The following PKHD1L1 variants were observed in gnomAD, a reference collection of about 807,000 sequenced individuals.
The protein encoded by PKHD1L1 is PKHD1 like 1.
In PKHD1L1, 434 loss-of-function variants were observed where a neutral mutation model predicts 462.9. The observed-to-expected ratio is 0.94, with a 90% CI of 0.87 to 1.02. The LOEUF is 1.02. Ranked by LOEUF, PKHD1L1 falls within the 50% of genes least tolerant of loss-of-function variation. The pLI, the probability that PKHD1L1 is intolerant of heterozygous loss-of-function variation, is 0.00. For synonymous variants in PKHD1L1, 1,781 were observed against 1,750.0 expected, an observed-to-expected ratio of 1.02 and a Z score of -0.44; for missense variants, 5,202 against 5,096.1, an observed-to-expected ratio of 1.02 and a Z score of -0.63.
At chr8:109,406,084 A>G (rs1455730860) in intron 16 of PKHD1L1, among the ~76,000 whole-genome samples, 1 of 152,224 alleles carries the variant, frequency 6.6e-6, no homozygotes, top group Non-Finnish European at 1.5e-5. Flanking sequence ...AAATCCAATG[A>G]TTATTACTGT....
intron 2 of PKHD1L1, among the ~76,000 whole-genome samples, chr8:109,381,008 C>A (rs754858247): frequency 1.7e-4 from 26 of 152,160 alleles, no homozygotes; most frequent in Non-Finnish European, 3.7e-4. Context: ...ATCTAACCAA[C>A]TGCGAATGGG....
intron 58 of PKHD1L1, among the ~76,000 whole-genome samples, 183 bp from the exon 59 acceptor site, chr8:109,486,465 T>C (rs903525892): frequency 2.6e-5 from 4 of 152,072 alleles, no homozygotes; most frequent in Non-Finnish European, 2.9e-5. Flanking sequence ...ATATTTCATT[T>C]TATAAATACG....
intron 40 of PKHD1L1, 141 bp downstream of exon 40, chr8:109,449,628 C>T: frequency 1.6e-6 from 1 of 628,878 alleles, no homozygotes; most frequent in Non-Finnish European, 2.4e-6. Context: ...GCAATTTCTT[C>T]AGGACATTTT....
chr8:109,460,750 T>C (rs963669610), intron 47 of PKHD1L1, among the ~76,000 whole-genome samples: 2 of 152,208 alleles, frequency 1.3e-5, no homozygotes, highest in Admixed American at 1.3e-4. Flanking sequence ...ATTTAAAATA[T>C]AAAAGTCTAT....
At chr8:109,469,782 A>G (rs1019705891) in intron 50 of PKHD1L1, among the ~76,000 whole-genome samples, 7 of 152,196 alleles carry the variant, frequency 4.6e-5, no homozygotes, top group Admixed American at 3.3e-4. Flanking sequence ...AGATGTCCAG[A>G]ATGGAATGAT....
intron 4 of PKHD1L1, 58 bp downstream of exon 4, chr8:109,382,629 G>A: frequency 2.2e-6 from 3 of 1,392,348 alleles, no homozygotes. Flanking sequence ...CTTTCCTGCA[G>A]AACTGAATTT....
intron 50 of PKHD1L1, among the ~76,000 whole-genome samples, chr8:109,474,231 T>C (rs1264780701): frequency 6.6e-6 from 1 of 152,222 alleles, no homozygotes; most frequent in Non-Finnish European, 1.5e-5. Flanking sequence ...ATCTTGCTTC[T>C]AGCTTCTTCC....
At chr8:109,469,219 C>A (rs1586578317) in intron 50 of PKHD1L1, among the ~76,000 whole-genome samples, 2 of 152,230 alleles carry the variant, frequency 1.3e-5, no homozygotes, top group East Asian at 1.9e-4. Flanking sequence ...GCATTTCTGG[C>A]ATTGAGAGAA....
intron 71 of PKHD1L1, among the ~76,000 whole-genome samples, chr8:109,514,242 T>C (rs1820149262): frequency 1.3e-5 from 2 of 152,164 alleles, no homozygotes; most frequent in South Asian, 4.1e-4. Flanking sequence ...ACTTTCTCAA[T>C]AGGCCTCCAA....
At position 109,443,865 on chromosome 8, in the gene PKHD1L1, T is replaced by G. The variant is rs367959816; in HGVS notation, c.4754T>G (p.Ile1585Ser). Residue 1585 changes from isoleucine to serine, a missense_variant, in exon 37 of 78, where the codon ATT becomes AGT. Physicochemically the swap from Ile to Ser is moderately radical, Grantham distance 142 (BLOSUM62 -2). Around this residue, in one of 3 missense-constraint regions of PKHD1L1, gnomAD observed 4,497 missense variants for 4,336.8 expected, o/e 1.04. Transcript: ENST00000378402. The part of the protein sequence containing the change: ...TGTVNELITI[I>S]GHGFSNLPWA... ...ACAGTAAATGAACTAATAACAATTATTGGACATGGCTTTAGTAATCTCCCA... is the reference window on the plus strand; with the variant it reads ...ACAGTAAATGAACTAATAACAATTAGTGGACATGGCTTTAGTAATCTCCCA... 23 of 1,613,782 alleles carry G rather than the reference T, an allele frequency of 1.4e-5. No homozygotes were observed. In the African/African-American group the frequency reaches 3.1e-4, roughly 21 times the overall value.
intron 24 of PKHD1L1, 21 bp downstream of exon 24, chr8:109,425,253 A>G: frequency 6.4e-7 from 1 of 1,551,548 alleles, no homozygotes; most frequent in Non-Finnish European, 8.7e-7. Flanking sequence ...AAAATTTAAA[A>G]TATTGGTGTA....
intron 41 of PKHD1L1, 71 bp downstream of exon 41, chr8:109,451,220 T>C (rs1816477874): frequency 6.9e-7 from 1 of 1,457,764 alleles, no homozygotes; most frequent in African/African-American, 1.4e-5. Flanking sequence ...CTTTCTCCTA[T>C]GCCCGGACAG....
chr8:109,450,976 C>T lies in PKHD1L1; in HGVS notation c.6177C>T (p.Gly2059=). 1 of 1,596,236 alleles carries T rather than the reference C, an allele frequency of 6.3e-7. No homozygotes were observed. Among genetic ancestry groups the T allele is most frequent in the Non-Finnish European group, 8.6e-7 (1 of 1,166,930 alleles). Residue 2059 remains glycine (G), a splice_region_variant and synonymous_variant, in exon 41 of 78, where the codon GGC becomes GGT. Coordinates refer to ENST00000378402, the MANE Select transcript of PKHD1L1 (RefSeq NM_177531.6). ...TLLCEIPSNN[G]TGAEQACEVS... ...TTCAGTCTGATCTTCCTTTCATAGGCACGGGAGCTGAGCAAGCCTGTGAAG... is the reference window on the plus strand; with the variant it reads ...TTCAGTCTGATCTTCCTTTCATAGGTACGGGAGCTGAGCAAGCCTGTGAAG...
chr8:109,486,610 T>A (rs1818539631), intron 58 of PKHD1L1, 38 bp from the exon 59 acceptor site: 1 of 1,588,134 alleles, frequency 6.3e-7, no homozygotes, highest in East Asian at 2.2e-5. Context: ...CAGATACTTC[T>A]CAGCATTGGC....
intron 14 of PKHD1L1, 125 bp from the exon 15 acceptor site, chr8:109,404,429 A>G (rs984068451): frequency 9.6e-6 from 5 of 521,646 alleles, no homozygotes; most frequent in Admixed American, 4.3e-5. Flanking sequence ...AAAATATGAG[A>G]TACTACAATA....
chr8:109,395,763 A>G (rs769322404), intron 10 of PKHD1L1, among the ~76,000 whole-genome samples: 7 of 152,130 alleles, frequency 4.6e-5, no homozygotes, highest in Non-Finnish European at 7.4e-5. Context: ...TACTTCTTTA[A>G]TGCTCGCATT....
intron 27 of PKHD1L1, among the ~76,000 whole-genome samples, chr8:109,432,404 T>C (rs1410438202): frequency 6.6e-6 from 1 of 152,198 alleles, no homozygotes; most frequent in Non-Finnish European, 1.5e-5. Flanking sequence ...TTTTTGAGTT[T>C]TGTTTTTTGT....
intron 48 of PKHD1L1, 88 bp downstream of exon 48, chr8:109,461,996 C>T (rs1817164319): frequency 1.4e-6 from 2 of 1,417,326 alleles, no homozygotes; most frequent in Non-Finnish European, 1.9e-6. Context: ...TTTGTCAATG[C>T]TACTTATAAT....
intron 54 of PKHD1L1, 107 bp downstream of exon 54, chr8:109,479,746 T>C: frequency 1.1e-6 from 1 of 878,246 alleles, no homozygotes; most frequent in Non-Finnish European, 1.7e-6. Flanking sequence ...AAAGAGCAAG[T>C]GTGGAGAAGT....
Sources: gnomAD v4.1 joint callset for allele counts (sites outside exome capture counted in the v4.1 genomes callset) on GRCh38, gnomAD v4.1.1 for gene constraint, gnomAD v4.1.1 regional missense constraint, MANE v1.5 for transcripts, NCBI Gene and HGNC (gene_info 2026-07-23, HGNC 2026-07-21) for gene names.